EIF2D: variants seen among roughly 807,000 people sequenced by gnomAD.
The protein encoded by EIF2D is hepatocellular carcinoma-associated antigen 56.
A neutral mutation model predicts 77.4 loss-of-function variants in EIF2D; 56 were observed. The observed-to-expected ratio is 0.72, with a 90% CI of 0.58 to 0.90. EIF2D has a LOEUF of 0.90. Ranked by LOEUF, EIF2D falls within the 40% of genes least tolerant of loss-of-function variation. The pLI is 0.00. For missense variants in EIF2D, 574 were observed against 706.5 expected, an observed-to-expected ratio of 0.81 and a Z score of 2.13; for synonymous variants, 230 against 271.0, an observed-to-expected ratio of 0.85 and a Z score of 1.49.
chr1:206,571,910 GC>G (rs1202848085), intron 5 of EIF2D, among the ~76,000 whole-genome samples: 2 of 152,186 alleles, frequency 1.3e-5, no homozygotes, highest in Non-Finnish European at 2.9e-5. Flanking sequence ...AATTCCTGTG[GC>G]CATCTCAGAA....
At position 206,603,059 on chromosome 1, in the gene EIF2D, TCTC is replaced by T. The variant is rs1670006918; in HGVS notation, c.673_675del (p.Glu225del). 1.9e-6 allele frequency: 3 copies of T among 1,613,984 alleles called. No homozygotes were observed. Among genetic ancestry groups the T allele is most frequent in the South Asian group, 2.2e-5 (2 of 91,082 alleles). ...TCACGTGCCTGGTGAACCTCCCCATTCTCCTCTTCCCCCTCCAGGGTCATGTGC... is the reference window on the plus strand; with the variant it reads ...TCACGTGCCTGGTGAACCTCCCCATTCTCTTCCCCCTCCAGGGTCATGTGC... On this transcript the variant is annotated inframe_deletion, in exon 6 of 15. Coordinates refer to ENST00000271764, the MANE Select transcript of EIF2D (RefSeq NM_006893.3).
In EIF2D at chr1:206,605,434, A is replaced by G; in HGVS notation, c.496T>C (p.Phe166Leu). Residue 166 changes from phenylalanine to leucine, a missense_variant, in exon 5 of 15, where the codon TTC (phenylalanine) becomes CTC (leucine). Physicochemically the swap from Phe to Leu is conservative, Grantham distance 22. Transcript: ENST00000271764. ...TCCTGGTAAGTGTGGAGCACAGAGAAGCCCCTTCCCTTCAGGCCTGACGTG... is the reference window on the plus strand; with the variant it reads ...TCCTGGTAAGTGTGGAGCACAGAGAGGCCCCTTCCCTTCAGGCCTGACGTG... ...MLTSGLKGRG[F>L]SVLHTYQDHL... 1 of 1,614,156 alleles carries G rather than the reference A, an allele frequency of 6.2e-7. No homozygotes were observed. The highest frequency in any genetic ancestry group is 8.5e-7 in the Non-Finnish European group (1 of 1,180,032).
rs116153922 is a variant in EIF2D at position 206,606,806 on chromosome 1, T to C, written c.423-1299A>G. Among the ~76,000 whole-genome samples, 1,028 of 152,294 alleles carry C rather than the reference T, an allele frequency of 6.8e-3. 10 individuals carry two copies. Among genetic ancestry groups the C allele is most frequent in the African/African-American group, 0.023 (971 of 41,544 alleles). On this transcript the variant is annotated intron_variant, in intron 4 of 14. Transcript: ENST00000271764. ...CATGAAAAAAAATAGTAAGATGTAA[T>C]TTTTCACTCACTAGGATAACACAAA...
At chr1:206,574,732 G>T (rs1668571464) in intron 4 of EIF2D, among the ~76,000 whole-genome samples, 1 of 152,152 alleles carries the variant, frequency 6.6e-6, no homozygotes, top group African/African-American at 2.4e-5. Flanking sequence ...CTGCTGTGGT[G>T]GGTCTGTGGA....
downstream of EIF2D, chr1:206,586,925 T>C: frequency 6.2e-7 from 1 of 1,614,168 alleles, no homozygotes; most frequent in South Asian, 1.1e-5. Flanking sequence ...GTATGACAAG[T>C]TTAGGCAGAA....
chr1:206,607,104 C>T (rs1255606253), intron 4 of EIF2D, among the ~76,000 whole-genome samples: 4 of 152,110 alleles, frequency 2.6e-5, no homozygotes, highest in Non-Finnish European at 5.9e-5. Context: ...CATCACCACA[C>T]AACAGGTAAA....
Position 206,602,672 on chromosome 1 carries a change from T to C in EIF2D, c.785-219A>G, listed in dbSNP as rs562144059. On this transcript the variant is annotated intron_variant, in intron 6 of 14. Coordinates refer to ENST00000271764, the MANE Select transcript of EIF2D (RefSeq NM_006893.3). ...ACAAAGTCCCACCAAGCTAGGAGTG[T>C]TCACCCAGAGAAGTTGAGCCAGAAG... 153 of 633,694 alleles carry C rather than the reference T, an allele frequency of 2.4e-4. 2 individuals carry two copies. The South Asian group carries it at 3.0e-3, about 12-fold the overall frequency. 39.3% of individuals were successfully genotyped at this position (633,694 alleles called of 1,614,324 possible).
At chr1:206,609,261 A>G (rs1670353306) in intron 3 of EIF2D, 115 bp downstream of exon 3, 1 of 1,014,518 alleles carries the variant, frequency 9.9e-7, no homozygotes, top group Non-Finnish European at 1.5e-6. Flanking sequence ...CACATAGGGG[A>G]AAAAATTCCA....
chr1:206,599,584 A>T lies in EIF2D; in HGVS notation c.1081T>A (p.Ser361Thr), dbSNP rs1345620830. ...RITSFVIPEP[S>T]PTSQTIQEGS... ...TCCTGGATAGTCTGGGAGGTCGGGG[A>T]GGGCTCGGGTATGACGAAAGATGTA... Residue 361 changes from serine (S) to threonine (T), a missense_variant, in exon 10 of 15, where the codon TCC becomes ACC. Coordinates refer to ENST00000271764, the MANE Select transcript of EIF2D (RefSeq NM_006893.3). This position sits in a 1 kb window ranked among gnomAD's most constrained non-coding sequence, Gnocchi z 4.1. The T allele has an allele frequency of 1.9e-6, 3 of 1,601,174 alleles. No homozygotes were observed. Among genetic ancestry groups the T allele is most frequent in the African/African-American group, 2.7e-5 (2 of 74,342 alleles).
chr1:206,607,989 T>C (rs1306388215), intron 4 of EIF2D, among the ~76,000 whole-genome samples: 1 of 151,920 alleles, frequency 6.6e-6, no homozygotes, highest in Admixed American at 6.6e-5. Flanking sequence ...TAAAATAAAA[T>C]AAAATAAAAT....
rs1471710425 is a variant in EIF2D at position 206,599,330 on chromosome 1, G to T, written c.1202+133C>A. 16 of 1,253,818 alleles carry T rather than the reference G, an allele frequency of 1.3e-5. No individual in the cohort carries two copies. The East Asian group carries it at 3.7e-4, about 29-fold the overall frequency. The allele number at this position is 1,253,818 out of a possible 1,614,324, so 77.7% of individuals were successfully genotyped here. A position where few individuals can be genotyped will look rare whatever the true frequency, so the allele number is the denominator to read the frequency against. ...ACTTGCCCAGGGAAGAAGGCTGGAAGCTGGATTTTGGAGAAGGGGAGAACA... is the reference window on the plus strand; with the variant it reads ...ACTTGCCCAGGGAAGAAGGCTGGAATCTGGATTTTGGAGAAGGGGAGAACA... On this transcript the variant is annotated intron_variant, in intron 10 of 14. Coordinates refer to ENST00000271764, the MANE Select transcript of EIF2D (RefSeq NM_006893.3). This position sits in a 1 kb window ranked among gnomAD's most constrained non-coding sequence, Gnocchi z 4.1.
downstream of EIF2D, among the ~76,000 whole-genome samples, chr1:206,569,496 G>A (rs1553403885): frequency 6.6e-6 from 1 of 152,220 alleles, no homozygotes; most frequent in Non-Finnish European, 1.5e-5. Flanking sequence ...CTGGACAAGG[G>A]AAGAAGCCTT....
downstream of EIF2D, among the ~76,000 whole-genome samples, chr1:206,591,183 T>C (rs1158333927): frequency 6.6e-6 from 1 of 152,206 alleles, no homozygotes; most frequent in Non-Finnish European, 1.5e-5. Flanking sequence ...ATCACAAATT[T>C]ACCAGTTAGT....
intron 4 of EIF2D, among the ~76,000 whole-genome samples, chr1:206,576,551 T>C (rs1176713146): frequency 2.6e-5 from 4 of 152,062 alleles, no homozygotes; most frequent in African/African-American, 9.7e-5. Flanking sequence ...ACAGGAAACA[T>C]AGGAAGTATG....
intron 5 of EIF2D, 106 bp from the exon 6 acceptor site, chr1:206,603,310 G>A: frequency 1.4e-6 from 2 of 1,478,972 alleles, no homozygotes; most frequent in Non-Finnish European, 9.1e-7. Context: ...GAGCCAACAG[G>A]CAGGAGTGGC....
In EIF2D at chr1:206,584,275, G is replaced by C; in HGVS notation, c.139-3113C>G. On this transcript the variant is annotated intron_variant and NMD_transcript_variant, in intron 2 of 5. Transcript: ENST00000472709. This position sits in a 1 kb window ranked among gnomAD's most constrained non-coding sequence, Gnocchi z 4.9. The stretch of plus-strand genomic sequence containing the variant: ...CAGCTCTCCCACGTCAGCAGAGGCA[G>C]GAAAGAACTCAAGGAGACAGGTGGG... 1.9e-6 allele frequency: 2 copies of C among 1,051,750 alleles called. No homozygotes were observed. Among genetic ancestry groups the C allele is most frequent in the Non-Finnish European group, 2.7e-6 (2 of 731,288 alleles). The allele number at this position is 1,051,750 out of a possible 1,614,324, so 65.2% of individuals were successfully genotyped here. A position where few individuals can be genotyped will look rare whatever the true frequency, so the allele number is the denominator to read the frequency against.
At chr1:206,596,502 C>T (rs1553410087) in intron 12 of EIF2D, among the ~76,000 whole-genome samples, 1 of 152,162 alleles carries the variant, frequency 6.6e-6, no homozygotes, top group African/African-American at 2.4e-5. Flanking sequence ...CCAGATTTGA[C>T]CCATGGGCTG....
At chr1:206,597,880 G>A (rs1423374256) in intron 11 of EIF2D, among the ~76,000 whole-genome samples, 4 of 152,116 alleles carry the variant, frequency 2.6e-5, no homozygotes, top group African/African-American at 4.8e-5. Context: ...GGGAGGCAGA[G>A]GTTGCAGTGA....
downstream of EIF2D, among the ~76,000 whole-genome samples, chr1:206,590,920 T>C (rs1041688039): frequency 1.3e-5 from 2 of 152,218 alleles, no homozygotes; most frequent in African/African-American, 2.4e-5. Context: ...TTCCATAAAC[T>C]GAGCAGGGAC....
Sources: gnomAD v4.1 joint callset for allele counts (sites outside exome capture counted in the v4.1 genomes callset) on GRCh38, gnomAD v4.1.1 for gene constraint, Gnocchi (gnomAD v3.1) non-coding constraint, MANE v1.5 for transcripts, NCBI Gene and HGNC (gene_info 2026-07-23, HGNC 2026-07-21) for gene names.